The following DOK6 variants were observed in gnomAD, a reference collection of about 807,000 sequenced individuals.
The protein encoded by DOK6 is downstream of tyrosine kinase 6.
In DOK6, 22 loss-of-function variants were observed where a neutral mutation model predicts 44.0. The ratio of observed to expected loss-of-function variants is 0.50; its 90% CI spans 0.36 to 0.71. The LOEUF (loss-of-function observed/expected upper bound fraction) is 0.71. DOK6 is among the 30% of genes least tolerant of loss of function. The probability of loss-of-function intolerance (pLI) is 0.00; values close to 1 mark genes in which losing one functional copy is unlikely to be tolerated. For synonymous variants in DOK6, 166 were observed against 145.5 expected (o/e 1.14, Z -1.01); for missense variants, 340 against 416.4 (o/e 0.82, Z 1.60).
chr18:69,448,305 T>G (rs190625275), intron 1 of DOK6, among the ~76,000 whole-genome samples: 51 of 152,316 alleles, frequency 3.3e-4, no homozygotes, highest in African/African-American at 1.2e-3. Flanking sequence ...CAAGGAGGGT[T>G]GGGCTGGCAT....
At chr18:69,504,965 A>G (rs1293965413) in intron 1 of DOK6, among the ~76,000 whole-genome samples, 1 of 152,032 alleles carries the variant, frequency 6.6e-6, no homozygotes, top group Non-Finnish European at 1.5e-5. Flanking sequence ...CTCCTTCTTT[A>G]CTTATATATA....
intron 3 of DOK6, among the ~76,000 whole-genome samples, chr18:69,605,533 C>A (rs983818770): frequency 1.3e-5 from 2 of 152,100 alleles, no homozygotes; most frequent in East Asian, 3.9e-4. Flanking sequence ...AAAGTTAAAA[C>A]ATCACTTTTT....
chr18:69,717,917 C>A (rs993530900), intron 5 of DOK6, among the ~76,000 whole-genome samples: 1 of 152,042 alleles, frequency 6.6e-6, no homozygotes, highest in Non-Finnish European at 1.5e-5. Flanking sequence ...CCAGTGGCAT[C>A]GAGGCCTTAG....
chr18:69,519,341 A>C (rs1981625164), intron 1 of DOK6, among the ~76,000 whole-genome samples: 2 of 152,018 alleles, frequency 1.3e-5, no homozygotes, highest in Admixed American at 1.3e-4. Context: ...TTATACTCAT[A>C]GCCACTTACT....
At chr18:69,581,912 C>G (rs186499724) in intron 2 of DOK6, among the ~76,000 whole-genome samples, 138 of 152,246 alleles carry the variant, frequency 9.1e-4, no homozygotes, top group African/African-American at 3.2e-3. Flanking sequence ...CACGAGGAAA[C>G]AAGCCTGTGA....
intron 7 of DOK6, among the ~76,000 whole-genome samples, chr18:69,829,070 A>G (rs1032807965): frequency 2.0e-5 from 3 of 150,916 alleles, no homozygotes; most frequent in Admixed American, 2.0e-4. Context: ...GTGAAAATAG[A>G]CAAGATTAGA....
chr18:69,420,824 C>T (rs1978470417), intron 1 of DOK6, among the ~76,000 whole-genome samples: 1 of 152,120 alleles, frequency 6.6e-6, no homozygotes, highest in Non-Finnish European at 1.5e-5. Context: ...ATTGGTGTGC[C>T]ATCCTAGACT....
At chr18:69,404,913 G>T (rs75879771) in intron 1 of DOK6, among the ~76,000 whole-genome samples, 5,650 of 152,098 alleles carry the variant, frequency 0.037, 152 homozygotes, top group Admixed American at 0.096. Flanking sequence ...GAGTCATATT[G>T]TGTTAAGCCT....
intron 3 of DOK6, chr18:69,661,073 T>C (rs1985513186): frequency 6.6e-6 from 1 of 152,218 alleles, no homozygotes; most frequent in South Asian, 2.1e-4. Flanking sequence ...CAGCAAATTA[T>C]ATCCTGTTTT....
intron 7 of DOK6, among the ~76,000 whole-genome samples, chr18:69,781,575 C>A (rs1382678654): frequency 1.3e-5 from 2 of 152,108 alleles, no homozygotes; most frequent in East Asian, 1.9e-4. Context: ...TATTACTAAC[C>A]GTTTCTGCAT....
At chr18:69,753,933 C>CA in intron 6 of DOK6, among the ~76,000 whole-genome samples, 1 of 151,872 alleles carries the variant, frequency 6.6e-6, no homozygotes, top group Non-Finnish European at 1.5e-5. Flanking sequence ...TCTTAAAATA[C>CA]ATTGTTTAGA....
intron 7 of DOK6, among the ~76,000 whole-genome samples, chr18:69,758,745 A>G (rs73970258): frequency 0.02 from 3,033 of 152,306 alleles, 93 homozygotes; most frequent in African/African-American, 0.068. Context: ...TAAGCATCCA[A>G]TAAAATATCT....
intron 1 of DOK6, among the ~76,000 whole-genome samples, chr18:69,531,844 G>A (rs1472757554): frequency 6.6e-6 from 1 of 152,078 alleles, no homozygotes. Flanking sequence ...ATGCCGAAGA[G>A]CCCTGTTATG....
chr18:69,700,216 C>CATACATATATATATATATAT (rs1555724860), intron 5 of DOK6, among the ~76,000 whole-genome samples: 1 of 124,762 alleles, frequency 8.0e-6, no homozygotes, highest in East Asian at 3.1e-4. Context: ...CATATATATA[C>CATACATATATATATATATAT]ATATATATAT....
chr18:69,600,944 G>A (rs1338486984), intron 3 of DOK6, among the ~76,000 whole-genome samples: 2 of 152,000 alleles, frequency 1.3e-5, no homozygotes, highest in African/African-American at 2.4e-5. Context: ...TCTTGAATCC[G>A]ATATTACAGT....
rs890825047 is a variant in DOK6 at position 69,718,880 on chromosome 18, A to G, written c.600-20085A>G. On this transcript the variant is annotated intron_variant, in intron 5 of 7. Transcript: ENST00000382713. ...ACCATGCAAATTAATATATGAGTAT[A>G]CTAGATTCTAACAAAAGGAAAACTG... Among the ~76,000 whole-genome samples, 30 of 152,188 alleles carry G rather than the reference A, an allele frequency of 2.0e-4. 1 individual carries two copies. Among genetic ancestry groups the G allele is most frequent in the Admixed American group, 4.6e-4 (7 of 15,272 alleles).
chr18:69,751,962 CTTCTA>C (rs1044960103), intron 6 of DOK6, among the ~76,000 whole-genome samples: 1 of 151,942 alleles, frequency 6.6e-6, no homozygotes, highest in East Asian at 1.9e-4. Context: ...GAGAGAATAC[CTTCTA>C]TTCTACTTCA....
At chr18:69,501,558 G>A (rs1435052411) in intron 1 of DOK6, among the ~76,000 whole-genome samples, 1 of 152,088 alleles carries the variant, frequency 6.6e-6, no homozygotes, top group Non-Finnish European at 1.5e-5. Context: ...AGGTTTCCAC[G>A]TACTTGTGGG....
At chr18:69,758,429 T>C (rs1436350242) in intron 7 of DOK6, among the ~76,000 whole-genome samples, 1 of 152,154 alleles carries the variant, frequency 6.6e-6, no homozygotes, top group African/African-American at 2.4e-5. Context: ...AACGGTCAAT[T>C]AGCTAGCATA....
Sources: gnomAD v4.1 joint callset for allele counts (sites outside exome capture counted in the v4.1 genomes callset) on GRCh38, gnomAD v4.1.1 for gene constraint, MANE v1.5 for transcripts, NCBI Gene and HGNC (gene_info 2026-07-23, HGNC 2026-07-21) for gene names.